NFX1: variants seen among roughly 807,000 people sequenced by gnomAD.
The protein encoded by NFX1 is transcriptional repressor NF-X1.
NFX1 carries 69 observed loss-of-function variants against 137.2 expected under a neutral mutation model. The ratio of observed to expected loss-of-function variants is 0.50; its 90% confidence interval spans 0.41 to 0.61. NFX1 has a LOEUF of 0.61. Among genes scored for constraint, NFX1 ranks in the 20% least tolerant of loss-of-function variants. The pLI, the probability that NFX1 is intolerant of heterozygous loss-of-function variation, is 0.00. For synonymous variants in NFX1, 495 were observed against 474.1 expected (o/e 1.04, Z -0.57); for missense variants, 1,167 against 1,391.0 (o/e 0.84, Z 2.56).
At position 33,345,597 on chromosome 9, in the gene NFX1, T is replaced by C. The variant is rs1443795095; in HGVS notation, c.2344+1409T>C. ...CTTTTGCCATGTGCAAATATATATG[T>C]TTGCATTTTTTCCCCAATGTAAAAG... On this transcript the variant is annotated intron_variant, in intron 14 of 23. Coordinates refer to ENST00000379540, the MANE Select transcript of NFX1 (RefSeq NM_002504.6). Among the ~76,000 whole-genome samples the C allele has an allele frequency of 2.0e-5, 3 of 152,352 alleles. No individual in the cohort carries two copies. The East Asian group carries it at 5.8e-4, about 29-fold the overall frequency.
chr9:33,318,540 G>A (rs1454490709), intron 7 of NFX1, among the ~76,000 whole-genome samples, 191 bp from the exon 8 acceptor site: 1 of 152,138 alleles, frequency 6.6e-6, no homozygotes, highest in Non-Finnish European at 1.5e-5. Context: ...CTCTTAGGCG[G>A]GTCTTAGAGC....
rs144651970 is a variant in NFX1 at position 33,346,560 on chromosome 9, C to T, written c.2345-478C>T. ...ACCAGGAAGTGTGAGGGAGCCCAGA[C>T]GAGAGTGTGGTAGCCAAGGAAAGGT... is the stretch of plus-strand genomic sequence containing the variant. On this transcript the variant is annotated intron_variant, in intron 14 of 23. Coordinates refer to ENST00000379540, the MANE Select transcript of NFX1 (RefSeq NM_002504.6). Among the ~76,000 whole-genome samples, 19 of 152,198 alleles carry T rather than the reference C, an allele frequency of 1.2e-4. No homozygotes were observed. The East Asian group carries it at 2.7e-3, about 22-fold the overall frequency.
At chr9:33,326,413 T>TAAA (rs368993458) in intron 9 of NFX1, among the ~76,000 whole-genome samples, 2 of 88,794 alleles carry the variant, frequency 2.3e-5, no homozygotes, top group African/African-American at 4.5e-5. Context: ...CCTCTGTCTT[T>TAAA]AAAAAAAAAA....
In NFX1 at chr9:33,366,545, G is replaced by A. The variant is rs183359351; in HGVS notation, c.3040-84G>A. 10 of 1,518,292 alleles carry A rather than the reference G, an allele frequency of 6.6e-6. No homozygotes were observed. In the Admixed American group the frequency reaches 1.6e-4, roughly 24 times the overall value. The allele number at this position is 1,518,292 out of a possible 1,614,324, so 94.1% of individuals were successfully genotyped here. ...CTAAAATCACCTCTTATTGATCCCT[G>A]CAATTCTTGTGTGGTAAGATTAGTT... On this transcript the variant is annotated intron_variant, in intron 21 of 23. Coordinates refer to ENST00000379540, the MANE Select transcript of NFX1 (RefSeq NM_002504.6).
At chr9:33,351,528 G>A in intron 15 of NFX1, 32 bp from the exon 16 acceptor site, 2 of 1,590,584 alleles carry the variant, frequency 1.3e-6, no homozygotes, top group Non-Finnish European at 1.7e-6. Context: ...CCCACATGGA[G>A]ATGAGAATCT....
intron 4 of NFX1, among the ~76,000 whole-genome samples, chr9:33,306,374 C>T (rs190266539): frequency 7.2e-5 from 11 of 152,168 alleles, no homozygotes; most frequent in Admixed American, 5.9e-4. Context: ...ACTGTGAAAC[C>T]CCAAGCAAGA....
At chr9:33,338,633 T>A in intron 12 of NFX1, 44 bp downstream of exon 12, 1 of 1,499,942 alleles carries the variant, frequency 6.7e-7, no homozygotes, top group Non-Finnish European at 9.0e-7. Flanking sequence ...TTCATCCAGG[T>A]GCTGGGCTTC....
At chr9:33,347,759 C>T (rs1471804406) in intron 15 of NFX1, 2 of 345,800 alleles carry the variant, frequency 5.8e-6, no homozygotes, top group Non-Finnish European at 1.2e-5. Context: ...TTCACAATTG[C>T]AAAAATGTGG....
intron 15 of NFX1, among the ~76,000 whole-genome samples, chr9:33,351,207 C>T (rs962579712): frequency 6.6e-6 from 1 of 151,974 alleles, no homozygotes; most frequent in Non-Finnish European, 1.5e-5. Flanking sequence ...CCTGTAATTT[C>T]GGCACTTTGG....
chr9:33,346,782 T>C (rs2118607721), intron 14 of NFX1, among the ~76,000 whole-genome samples: 1 of 152,312 alleles, frequency 6.6e-6, no homozygotes, highest in East Asian at 1.9e-4. Context: ...AGAGATGAGA[T>C]GGGAAAGCTG....
At chr9:33,363,295 A>T (rs1379628428) in intron 19 of NFX1, among the ~76,000 whole-genome samples, 1 of 141,026 alleles carries the variant, frequency 7.1e-6, no homozygotes, top group Non-Finnish European at 1.5e-5. Flanking sequence ...TATTATTATT[A>T]TTATTTTTAG....
intron 5 of NFX1, 129 bp from the exon 6 acceptor site, chr9:33,310,977 A>C: frequency 2.6e-6 from 2 of 758,558 alleles, no homozygotes; most frequent in Non-Finnish European, 4.3e-6. Context: ...AATCAACTTT[A>C]AACAAATACA....
intron 9 of NFX1, among the ~76,000 whole-genome samples, chr9:33,321,906 A>G (rs535533544): frequency 1.5e-4 from 22 of 151,634 alleles, no homozygotes; most frequent in African/African-American, 5.1e-4. Flanking sequence ...TCAACCATTT[A>G]AAGTTTCTGG....
At chr9:33,355,053 TAA>T (rs1304467573) in intron 19 of NFX1, among the ~76,000 whole-genome samples, 161 bp downstream of exon 19, 5 of 152,180 alleles carry the variant, frequency 3.3e-5, no homozygotes, top group Non-Finnish European at 5.9e-5. Flanking sequence ...TGAATTGTCT[TAA>T]GGATAAACCA....
intron 11 of NFX1, among the ~76,000 whole-genome samples, chr9:33,336,993 T>G (rs570689933): frequency 6.6e-6 from 1 of 152,156 alleles, no homozygotes; most frequent in South Asian, 2.1e-4. Flanking sequence ...TCCCAGCTAC[T>G]CGGGAGGCTG....
intron 5 of NFX1, among the ~76,000 whole-genome samples, chr9:33,309,111 ACTTTG>A (rs1390315477): frequency 6.6e-6 from 1 of 152,200 alleles, no homozygotes; most frequent in East Asian, 1.9e-4. Flanking sequence ...TAATCCCAGC[ACTTTG>A]GGAGGCCAAG....
intron 15 of NFX1, among the ~76,000 whole-genome samples, chr9:33,349,381 G>A (rs1195768651): frequency 6.6e-6 from 1 of 152,198 alleles, no homozygotes; most frequent in African/African-American, 2.4e-5. Flanking sequence ...AAGTAATGTG[G>A]AGAGGATGAC....
rs935871020 is a variant in NFX1 at position 33,300,791 on chromosome 9, G to A, written c.1034-472G>A. ...AATGACTAAAGACTTTGAGGGCAAC[G>A]GCTAGAGCCATCTCACCACTCATGG... On this transcript the variant is annotated intron_variant, in intron 2 of 23. Transcript: ENST00000379540. Among the ~76,000 whole-genome samples the A allele has an allele frequency of 4.6e-5, 7 of 152,326 alleles. 1 individual carries two copies. Among genetic ancestry groups the A allele is most frequent in the East Asian group, 3.9e-4 (2 of 5,184 alleles).
chr9:33,297,630 A>C (rs1821404487), intron 2 of NFX1, among the ~76,000 whole-genome samples: 1 of 152,160 alleles, frequency 6.6e-6, no homozygotes, highest in Non-Finnish European at 1.5e-5. Flanking sequence ...GGTTGTTGGT[A>C]GGATTCAGTT....
Sources: gnomAD v4.1 joint callset for allele counts (sites outside exome capture counted in the v4.1 genomes callset) on GRCh38, gnomAD v4.1.1 for gene constraint, MANE v1.5 for transcripts, NCBI Gene and HGNC (gene_info 2026-07-23, HGNC 2026-07-21) for gene names.